The following CDK20 variants were observed in gnomAD, a reference collection of about 807,000 sequenced individuals.
CDK20 encodes cyclin dependent kinase 20.
In CDK20, 40 loss-of-function variants were observed where a neutral mutation model predicts 38.6. The observed-to-expected ratio is 1.04, with a 90% confidence interval of 0.81 to 1.35. The LOEUF (loss-of-function observed/expected upper bound fraction) is 1.35, where lower values mean the gene tolerates loss of function less well. Among genes scored for constraint, CDK20 ranks in the 40% most tolerant of loss-of-function variants. The pLI is 0.00. For synonymous variants in CDK20, 209 were observed against 185.7 expected, an observed-to-expected ratio of 1.13 and a Z score of -1.02; for missense variants, 512 against 452.6, an observed-to-expected ratio of 1.13 and a Z score of -1.19.
Position 87,970,875 on chromosome 9 carries a change from A to AGCAG in CDK20, c.397_400dup (p.Leu134ProfsTer50). 2 of 1,614,146 alleles carry AGCAG rather than the reference A, an allele frequency of 1.2e-6. No homozygotes were observed. The highest frequency in any genetic ancestry group is 1.7e-6 in the Non-Finnish European group (2 of 1,180,032). ...CTTGAGCTGGCCTGAGGCGCTGATG[A>AGCAG]GCAGGTTGGCAGGTTTCAGGTCCTG... On this transcript the variant is annotated frameshift_variant, in exon 4 of 8. Transcript: ENST00000325303. LOFTEE classifies it high-confidence loss of function.
intron 2 of CDK20, among the ~76,000 whole-genome samples, chr9:87,971,984 GC>G (rs1334453716): frequency 6.6e-6 from 1 of 152,174 alleles, no homozygotes; most frequent in African/African-American, 2.4e-5. Context: ...TGGGCGGATG[GC>G]TTGAACCCAG....
Position 87,973,926 on chromosome 9 carries a change from T to C in CDK20, c.185A>G (p.Gln62Arg). Residue 62 changes from glutamine to arginine, a missense_variant, in exon 2 of 8, where the codon CAG (glutamine) becomes CGG (arginine). Gln to Arg is a conservative substitution (Grantham distance 43). Transcript: ENST00000325303. Reference protein sequence around the residue: ...IKALQEMEDNQYVVQLKAVFP... With the variant: ...IKALQEMEDNRYVVQLKAVFP... ...TGCCCCCCCTCCCCTACTCACATAC[T>C]GATTGTCCTCCATCTCCTGCAGAGC... 4 of 1,613,848 alleles carry C rather than the reference T, an allele frequency of 2.5e-6. No homozygotes were observed. The highest frequency in any genetic ancestry group is 3.4e-6 in the Non-Finnish European group (4 of 1,179,884).
At chr9:87,967,701 C>A in intron 7 of CDK20, 42 bp from the exon 8 acceptor site, 4 of 1,431,356 alleles carry the variant, frequency 2.8e-6, no homozygotes, top group Non-Finnish European at 3.7e-6. Flanking sequence ...AAACTAGTCA[C>A]CTCCCTGTCC....
At position 87,973,881 on chromosome 9, in the gene CDK20, G is replaced by A. The variant is rs752034738; in HGVS notation, c.189+41C>T. Reference sequence around the variant, plus strand: ...AAGGCACAAAGAAGTGGGAACGAGCGACTGAGGGTGAGAATACCATGCCCC... The same window carrying A: ...AAGGCACAAAGAAGTGGGAACGAGCAACTGAGGGTGAGAATACCATGCCCC... On this transcript the variant is annotated intron_variant, in intron 2 of 7. Transcript: ENST00000325303. 8.8e-6 allele frequency: 14 copies of A among 1,590,130 alleles called. No individual in the cohort carries two copies. In the African/African-American group the frequency reaches 1.1e-4, roughly 12 times the overall value.
chr9:87,971,410 A>G (rs748466527), intron 2 of CDK20, 75 bp from the exon 3 acceptor site: 27 of 1,374,192 alleles, frequency 2.0e-5, no homozygotes, highest in Non-Finnish European at 2.7e-5. Flanking sequence ...ACCCCAGCCC[A>G]TGCCCTGACA....
intron 6 of CDK20, chr9:87,969,587 T>C: frequency 1.2e-6 from 1 of 814,124 alleles, no homozygotes; most frequent in Non-Finnish European, 1.9e-6. Context: ...ATGTGTGTAC[T>C]GGGGTGAAAA....
chr9:87,971,396 T>C (rs1829851755), intron 2 of CDK20, 61 bp from the exon 3 acceptor site: 4 of 1,484,868 alleles, frequency 2.7e-6, no homozygotes, highest in Admixed American at 2.0e-5. Flanking sequence ...TCTGTGACCC[T>C]GAGACCCCAG....
In CDK20 at chr9:87,970,757, G is replaced by A. The variant is rs1455783948; in HGVS notation, c.500+19C>T. On this transcript the variant is annotated intron_variant, in intron 4 of 7. Coordinates refer to ENST00000325303, the MANE Select transcript of CDK20 (RefSeq NM_001039803.3). ...CTCTTCCCCATGGAGAAGACTGGAA[G>A]GGATCTGGCCCTCCCTACCTGGTGG... is the stretch of plus-strand genomic sequence containing the variant. The A allele has an allele frequency of 2.5e-6, 4 of 1,614,072 alleles. No homozygotes were observed. The highest frequency in any genetic ancestry group is 3.4e-6 in the Non-Finnish European group (4 of 1,179,958).
At chr9:87,969,412 G>A in intron 6 of CDK20, 63 bp from the exon 7 acceptor site, 1 of 1,553,006 alleles carries the variant, frequency 6.4e-7, no homozygotes, top group Non-Finnish European at 8.8e-7. Flanking sequence ...CATGCTCTCT[G>A]CTGTCAACTC....
In CDK20 at chr9:87,967,527, C is replaced by T; in HGVS notation, c.976G>A (p.Asp326Asn). The T allele has an allele frequency of 6.4e-7, 1 of 1,555,382 alleles. No homozygotes were observed. The highest frequency in any genetic ancestry group is 8.7e-7 in the Non-Finnish European group (1 of 1,149,170). Reference protein sequence around the residue: ...GPPHIHDFHVDRPLEESLLNP... With the variant: ...GPPHIHDFHVNRPLEESLLNP... ...AACAGCGACTCCTCAAGAGGCCGGT[C>T]CACGTGGAAGTCATGGATGTGGGGG... The change falls in exon 8 of 8, where the codon GAC becomes AAC. Residue 326 changes from aspartate to asparagine, a missense_variant. Physicochemically the swap from Asp to Asn is conservative, Grantham distance 23. Coordinates refer to ENST00000325303, the MANE Select transcript of CDK20 (RefSeq NM_001039803.3).
Position 87,970,621 on chromosome 9 carries a change from T to G in CDK20, c.510A>C (p.Arg170=). The G allele has an allele frequency of 5.0e-6, 8 of 1,613,882 alleles. No homozygotes were observed. The highest frequency in any genetic ancestry group is 6.8e-6 in the Non-Finnish European group (8 of 1,179,970). ...GGGCACCATACAGGAGCTCGGGGGC[T>G]CGGTACCACCTGCGAGGAAGAGGGC... ...YTHQVATRWY[R]APELLYGARQ... is the part of the protein sequence containing the mutation. Residue 170 remains arginine, a synonymous_variant, in exon 5 of 8, where the codon CGA becomes CGC. Coordinates refer to ENST00000325303, the MANE Select transcript of CDK20 (RefSeq NM_001039803.3).
Position 87,970,674 on chromosome 9 carries a change from G to T in CDK20, c.501-44C>A, listed in dbSNP as rs148315945. On this transcript the variant is annotated intron_variant, in intron 4 of 7. Transcript: ENST00000325303. ...GCAGGCACTGGGCTGAGAAAAGGAT[G>T]CCTGGGGAGGTGACCCCAGCCCCAC... 9.0e-4 allele frequency: 1,457 copies of T among 1,613,452 alleles called. 18 individuals carry two copies. The African/African-American group carries it at 0.018, about 20-fold the overall frequency.
rs773078944 is a variant in CDK20 at position 87,967,216 on chromosome 9, A to C, written c.*246T>G. 34 of 691,572 alleles carry C rather than the reference A, an allele frequency of 4.9e-5. 1 individual carries two copies. Among genetic ancestry groups the C allele is most frequent in the South Asian group, 4.6e-4 (32 of 69,530 alleles). 42.8% of individuals were successfully genotyped at this position (691,572 alleles called of 1,614,324 possible). On this transcript the variant is annotated 3_prime_UTR_variant, in exon 8 of 8. Transcript: ENST00000325303. ...GTCCTGATGGGTACGTCAGTAGCAC[A>C]CAGAAGGTAAGGCTCACCGAGCACA...
At chr9:87,971,774 A>G (rs965237546) in intron 2 of CDK20, among the ~76,000 whole-genome samples, 2 of 152,178 alleles carry the variant, frequency 1.3e-5, no homozygotes, top group Admixed American at 6.5e-5. Flanking sequence ...TGAGGCCAGT[A>G]CTGTCAGAGG....
intron 5 of CDK20, 50 bp from the exon 6 acceptor site, chr9:87,969,969 C>G (rs779085507): frequency 1.3e-6 from 2 of 1,512,600 alleles, no homozygotes; most frequent in Middle Eastern, 1.8e-4. Flanking sequence ...CCATGGACCA[C>G]AGACCCACCC....
At chr9:87,973,898 C>T in intron 2 of CDK20, 24 bp downstream of exon 2, 2 of 1,603,156 alleles carry the variant, frequency 1.2e-6, no homozygotes, top group East Asian at 4.5e-5. Flanking sequence ...GGTGAGAATA[C>T]CATGCCCCCC....
At chr9:87,971,404 C>T (rs1587624520) in intron 2 of CDK20, 69 bp from the exon 3 acceptor site, 2 of 1,427,516 alleles carry the variant, frequency 1.4e-6, no homozygotes, top group Non-Finnish European at 1.9e-6. Context: ...CCTGAGACCC[C>T]AGCCCATGCC....
chr9:87,967,741 T>A (rs538972933), intron 7 of CDK20, 82 bp from the exon 8 acceptor site: 2 of 1,207,106 alleles, frequency 1.7e-6, no homozygotes, highest in Admixed American at 5.8e-5. Context: ...CCTTCATCTA[T>A]GCATTCAGCT....
intron 5 of CDK20, 185 bp from the exon 6 acceptor site, chr9:87,970,104 A>G: frequency 1.7e-6 from 1 of 574,450 alleles, no homozygotes; most frequent in Non-Finnish European, 2.8e-6. Flanking sequence ...GCAAAGCCCC[A>G]GCTGTTCCAA....
Sources: allele counts gnomAD v4.1 joint callset (sites outside exome capture counted in the v4.1 genomes callset), GRCh38; gene constraint gnomAD v4.1.1; transcripts MANE v1.5; gene names NCBI Gene and HGNC (gene_info 2026-07-23, HGNC 2026-07-21).